The following RER1 variants were observed in gnomAD, a reference collection of about 807,000 sequenced individuals.
The protein encoded by RER1 is protein RER1.
A neutral mutation model predicts 28.3 loss-of-function variants in RER1; 6 were observed. That is an observed-to-expected ratio of 0.21 (90% confidence interval 0.12 to 0.42). RER1 has a LOEUF of 0.42. RER1 is among the 10% of genes least tolerant of loss of function. The pLI is 1.00. For synonymous variants in RER1, 110 were observed against 95.9 expected, an observed-to-expected ratio of 1.15 and a Z score of -0.86; for missense variants, 159 against 252.9, an observed-to-expected ratio of 0.63 and a Z score of 2.52.
At chr1:2,392,634 A>C (rs1232426854) in intron 1 of RER1, among the ~76,000 whole-genome samples, 1 of 152,154 alleles carries the variant, frequency 6.6e-6, no homozygotes, top group African/African-American at 2.4e-5. Context: ...TCCCTTTATG[A>C]AGAGTAGAGA....
intron 1 of RER1, among the ~76,000 whole-genome samples, chr1:2,392,225 G>T (rs1425090206): frequency 6.6e-6 from 1 of 152,118 alleles, no homozygotes; most frequent in African/African-American, 2.4e-5. Flanking sequence ...AGAGGGGCCG[G>T]GCGGGGGCTG....
chr1:2,397,779 G>C (rs144377219), intron 3 of RER1, among the ~76,000 whole-genome samples: 25 of 152,298 alleles, frequency 1.6e-4, no homozygotes, highest in African/African-American at 5.8e-4. Flanking sequence ...TGTCGTCTCA[G>C]ACTTCACCTG....
chr1:2,397,242 G>A (rs367786304), intron 3 of RER1, 22 bp downstream of exon 3: 42 of 1,525,608 alleles, frequency 2.8e-5, no homozygotes, highest in Non-Finnish European at 3.4e-5. Context: ...CTGAAGTGAC[G>A]AGACTTGGCT....
At chr1:2,400,153 C>T (rs772834658) in intron 4 of RER1, among the ~76,000 whole-genome samples, 3 of 152,226 alleles carry the variant, frequency 2.0e-5, no homozygotes, top group East Asian at 1.9e-4. Context: ...CATTCCAGGA[C>T]GTGGTGGCCA....
chr1:2,402,729 C>T (rs1256015179), intron 6 of RER1, among the ~76,000 whole-genome samples: 3 of 152,220 alleles, frequency 2.0e-5, no homozygotes, highest in African/African-American at 7.2e-5. Flanking sequence ...GGCCTTCGTG[C>T]TGCGGGCCTC....
intron 6 of RER1, among the ~76,000 whole-genome samples, chr1:2,402,795 C>T (rs867723717): frequency 3.3e-5 from 5 of 152,252 alleles, no homozygotes; most frequent in African/African-American, 1.2e-4. Flanking sequence ...TCACATCCCC[C>T]TTGCCCTTCC....
chr1:2,396,975 G>A, intron 2 of RER1, 141 bp from the exon 3 acceptor site: 2 of 582,842 alleles, frequency 3.4e-6, no homozygotes, highest in South Asian at 4.3e-5. Context: ...CTGATACATA[G>A]ATGATCTCTT....
chr1:2,403,107 A>G lies in RER1; in HGVS notation c.574A>G (p.Lys192Glu), dbSNP rs758860793. The G allele has an allele frequency of 6.2e-7, 1 of 1,614,084 alleles. No homozygotes were observed. The highest frequency in any genetic ancestry group is 8.5e-7 in the Non-Finnish European group (1 of 1,179,938). ...RRYRGKEDAG[K>E]AFAS ...GTACAGAGGCAAGGAGGATGCCGGC[A>G]AGGCCTTCGCCAGCTAGAAGCGGGA... Residue 192 changes from lysine to glutamate, a missense_variant, in exon 7 of 7, where the codon AAG becomes GAG. Lys to Glu is a moderately conservative substitution (Grantham distance 56). Coordinates refer to ENST00000605895, the MANE Select transcript of RER1 (RefSeq NM_007033.5).
chr1:2,401,015 A>G (rs1642837757), intron 5 of RER1, 80 bp downstream of exon 5: 4 of 1,250,190 alleles, frequency 3.2e-6, no homozygotes, highest in Admixed American at 1.7e-5. Flanking sequence ...TTTTTGTTCA[A>G]GTCACCTGAA....
intron 2 of RER1, 124 bp downstream of exon 2, chr1:2,395,995 C>A: frequency 1.3e-6 from 1 of 768,092 alleles, no homozygotes; most frequent in South Asian, 1.5e-5. Context: ...CAGGCTCAAA[C>A]TTCCTGAAGA....
At chr1:2,394,954 G>GAA (rs1642746255) in intron 1 of RER1, 1 of 152,376 alleles carries the variant, frequency 6.6e-6, no homozygotes, top group Non-Finnish European at 1.5e-5. Flanking sequence ...TCTCCTCTCA[G>GAA]GAGTGGGGTG....
At chr1:2,400,055 CT>C (rs1287433552) in intron 4 of RER1, among the ~76,000 whole-genome samples, 2 of 152,214 alleles carry the variant, frequency 1.3e-5, no homozygotes. Context: ...TATTGGAAGA[CT>C]TACGCAGCTC....
rs530649929 is a variant in RER1, at chr1:2,403,470, C to G, written c.*346C>G. On this transcript the variant is annotated 3_prime_UTR_variant, in exon 7 of 7. Transcript: ENST00000605895. ...AGGAGCAAGGCCTGCGAGGGAGGAA[C>G]GGGCCGCTCCCCGCCAGCCGCCTTC... The G allele has an allele frequency of 1.6e-5, 5 of 307,484 alleles. No individual in the cohort carries two copies. The highest frequency in any genetic ancestry group is 4.9e-5 in the Admixed American group (1 of 20,574). The allele number at this position is 307,484 out of a possible 1,614,324, so 19.0% of individuals were successfully genotyped here. A position where few individuals can be genotyped will look rare whatever the true frequency, so the allele number is the denominator to read the frequency against.
At chr1:2,402,409 G>A (rs910135625) in intron 6 of RER1, 67 bp downstream of exon 6, 9 of 1,597,310 alleles carry the variant, frequency 5.6e-6, no homozygotes, top group Admixed American at 1.7e-5. Context: ...CATTGGGGGA[G>A]CTGTGCTGGG....
chr1:2,401,237 C>CTCCTTCCTCCT (rs1557903650), intron 5 of RER1, among the ~76,000 whole-genome samples: 15 of 112,594 alleles, frequency 1.3e-4, no homozygotes, highest in African/African-American at 4.8e-4. Context: ...CCCTTCCTCC[C>CTCCTTCCTCCT]TCCTTCCTCC....
In RER1 at chr1:2,405,415, G is replaced by A. The variant is rs556526252; in HGVS notation, c.*2291G>A. The A allele has an allele frequency of 5.4e-5, 23 of 423,070 alleles. No individual in the cohort carries two copies. The highest frequency in any genetic ancestry group is 2.3e-4 in the South Asian group (11 of 48,188). 26.2% of individuals were successfully genotyped at this position (423,070 alleles called of 1,614,324 possible). A position where few individuals can be genotyped will look rare whatever the true frequency, so the allele number is the denominator to read the frequency against. On this transcript the variant is annotated 3_prime_UTR_variant, in exon 7 of 7. Coordinates refer to ENST00000605895, the MANE Select transcript of RER1 (RefSeq NM_007033.5). ...GGGGCTGTTTTCTCACAATATAAAC[G>A]AATAAAGTGTCTTCTGGCCTACTTC...
intron 1 of RER1, chr1:2,394,844 C>T (rs1642743942): frequency 6.6e-6 from 1 of 152,248 alleles, no homozygotes; most frequent in South Asian, 2.1e-4. Flanking sequence ...TTCTCTAGCT[C>T]AGGGGCCAGG....
chr1:2,402,136 G>A lies in RER1; in HGVS notation c.366-71G>A, dbSNP rs751279318. The A allele has an allele frequency of 4.3e-6, 7 of 1,613,890 alleles. No homozygotes were observed. The African/African-American group carries it at 9.3e-5, about 22-fold the overall frequency. On this transcript the variant is annotated intron_variant, in intron 5 of 6. Coordinates refer to ENST00000605895, the MANE Select transcript of RER1 (RefSeq NM_007033.5). ...GCGGGGACGGTCGGTGCAGCTGCAA[G>A]GCTGGAGGCGGCCGGCAGGTGCCCG... is the stretch of plus-strand genomic sequence containing the variant.
intron 6 of RER1, among the ~76,000 whole-genome samples, chr1:2,402,801 C>T (rs1295178467): frequency 6.6e-6 from 1 of 152,220 alleles, no homozygotes; most frequent in Non-Finnish European, 1.5e-5. Flanking sequence ...CCCCCTTGCC[C>T]TTCCTCCACG....
Sources: allele counts gnomAD v4.1 joint callset (sites outside exome capture counted in the v4.1 genomes callset), GRCh38; gene constraint gnomAD v4.1.1; transcripts MANE v1.5; gene names NCBI Gene and HGNC (gene_info 2026-07-23, HGNC 2026-07-21).